The following ATG4C variants were observed in gnomAD, a reference collection of about 807,000 sequenced individuals.
ATG4C encodes autophagy related 4C cysteine peptidase, also known as cysteine protease ATG4C.
ATG4C carries 56 observed loss-of-function variants against 57.6 expected under a neutral mutation model. The observed-to-expected ratio is 0.97, with a 90% CI of 0.78 to 1.21. ATG4C has a LOEUF of 1.21. ATG4C is among the 50% of genes most tolerant of loss of function. The pLI is 0.00. For missense variants in ATG4C, 595 were observed against 529.8 expected (o/e 1.12, Z -1.21); for synonymous variants, 157 against 174.1 (o/e 0.90, Z 0.78).
At chr1:62,855,793 G>A (rs1031225562) in intron 10 of ATG4C, among the ~76,000 whole-genome samples, 2 of 152,130 alleles carry the variant, frequency 1.3e-5, no homozygotes, top group South Asian at 2.1e-4. Context: ...ACTAATAAAC[G>A]GTGGTACTGC....
At chr1:62,797,444 A>C (rs1664509029) in intron 1 of ATG4C, among the ~76,000 whole-genome samples, 2 of 152,140 alleles carry the variant, frequency 1.3e-5, no homozygotes, top group Non-Finnish European at 2.9e-5. Context: ...TAATTTGAGA[A>C]ATAGTTATGT....
At position 62,861,606 on chromosome 1, in the gene ATG4C, CACACACACACACACACACACAG is replaced by C. The variant is rs879790140; in HGVS notation, c.1210-2384_1210-2363del. Among the ~76,000 whole-genome samples, 275 of 120,902 alleles carry C rather than the reference CACACACACACACACACACACAG, an allele frequency of 2.3e-3. 1 individual carries two copies. The highest frequency in any genetic ancestry group is 5.2e-3 in the Admixed American group (54 of 10,462). The allele number at this position is 120,902 out of a possible 152,430, so 79.3% of individuals were successfully genotyped here. A position where few individuals can be genotyped will look rare whatever the true frequency, so the allele number is the denominator to read the frequency against. On this transcript the variant is annotated intron_variant, in intron 10 of 10. Transcript: ENST00000317868. ...ACACACACACACACACACACACACA[CACACACACACACACACACACAG>C]AGAGACACAAACACATGAGAAAAAT...
intron 10 of ATG4C, among the ~76,000 whole-genome samples, chr1:62,855,693 C>A (rs1024725171): frequency 2.6e-5 from 4 of 152,150 alleles, no homozygotes; most frequent in Admixed American, 6.5e-5. Flanking sequence ...TTTAACCAAC[C>A]AAACCTTCTG....
intron 4 of ATG4C, among the ~76,000 whole-genome samples, chr1:62,817,054 T>G (rs1017877707): frequency 6.6e-6 from 1 of 152,172 alleles, no homozygotes; most frequent in Non-Finnish European, 1.5e-5. Context: ...CCTGTTATTC[T>G]TGGTCACCAT....
At chr1:62,805,990 T>C (rs1042581657) in intron 3 of ATG4C, among the ~76,000 whole-genome samples, 7 of 152,196 alleles carry the variant, frequency 4.6e-5, no homozygotes, top group African/African-American at 1.7e-4. Context: ...TATGTTGTTA[T>C]CATGGCTTTT....
chr1:62,787,540 GAT>G (rs1664132977), intron 1 of ATG4C, among the ~76,000 whole-genome samples: 1 of 152,006 alleles, frequency 6.6e-6, no homozygotes, highest in Admixed American at 6.6e-5. Flanking sequence ...TGTAATTTTT[GAT>G]AGATATTGAA....
At chr1:62,791,970 C>G (rs1427812105) in intron 1 of ATG4C, among the ~76,000 whole-genome samples, 1 of 152,060 alleles carries the variant, frequency 6.6e-6, no homozygotes, top group Non-Finnish European at 1.5e-5. Context: ...GTTGCTCGGT[C>G]TACCATGTCA....
intron 3 of ATG4C, among the ~76,000 whole-genome samples, chr1:62,810,617 C>T (rs142845822): frequency 9.2e-5 from 14 of 152,090 alleles, no homozygotes; most frequent in South Asian, 2.1e-4. Context: ...ATAAATCTTA[C>T]GAAACATCTT....
At chr1:62,826,053 G>A (rs879806913) in intron 6 of ATG4C, among the ~76,000 whole-genome samples, 10 of 151,868 alleles carry the variant, frequency 6.6e-5, no homozygotes, top group African/African-American at 1.2e-4. Context: ...GATTACAGGT[G>A]CCTGCCACCA....
At position 62,819,352 on chromosome 1, in the gene ATG4C, ATCTT is replaced by A. The variant is rs769257399; in HGVS notation, c.725+22_725+25del. 20 of 1,553,936 alleles carry A rather than the reference ATCTT, an allele frequency of 1.3e-5. No homozygotes were observed. Among genetic ancestry groups the A allele is most frequent in the Middle Eastern group, 1.7e-4 (1 of 5,776 alleles). On this transcript the variant is annotated intron_variant, in intron 5 of 10. Coordinates refer to ENST00000317868, the MANE Select transcript of ATG4C (RefSeq NM_032852.4). ...CATTTTAAGGTAAAATTGTTTTAAA[ATCTT>A]TCTTCTTGTGACAGAGGTCCTCAGG...
intron 10 of ATG4C, among the ~76,000 whole-genome samples, chr1:62,863,106 TA>T (rs1666903644): frequency 6.6e-6 from 1 of 152,020 alleles, no homozygotes. Context: ...AGAACTTGTT[TA>T]ACAGAAATAT....
intron 10 of ATG4C, among the ~76,000 whole-genome samples, chr1:62,861,900 G>A (rs970327262): frequency 6.6e-6 from 1 of 151,920 alleles, no homozygotes; most frequent in African/African-American, 2.4e-5. Context: ...CATCCATTAT[G>A]GAAGGACTTT....
chr1:62,849,275 T>C (rs1018670714), intron 10 of ATG4C, among the ~76,000 whole-genome samples: 3 of 152,190 alleles, frequency 2.0e-5, no homozygotes, highest in Non-Finnish European at 1.5e-5. Context: ...AATGAATTGT[T>C]TGGGAGGGGA....
chr1:62,820,381 G>A (rs1280342871), intron 5 of ATG4C, among the ~76,000 whole-genome samples: 1 of 151,970 alleles, frequency 6.6e-6, no homozygotes, highest in African/African-American at 2.4e-5. Context: ...CTTGCAGATG[G>A]TACAAAAACA....
chr1:62,790,151 T>A (rs2100275623), intron 1 of ATG4C, among the ~76,000 whole-genome samples: 1 of 152,274 alleles, frequency 6.6e-6, no homozygotes, highest in East Asian at 1.9e-4. Flanking sequence ...GGACCTCCGG[T>A]AATCCACCCG....
intron 6 of ATG4C, among the ~76,000 whole-genome samples, chr1:62,822,120 A>G (rs1665501847): frequency 6.6e-6 from 1 of 152,160 alleles, no homozygotes; most frequent in African/African-American, 2.4e-5. Flanking sequence ...TTTTACAGGA[A>G]TACTGTTAAC....
At chr1:62,859,003 A>G (rs1405333371) in intron 10 of ATG4C, among the ~76,000 whole-genome samples, 1 of 152,178 alleles carries the variant, frequency 6.6e-6, no homozygotes, top group Non-Finnish European at 1.5e-5. Context: ...AGGTGATTTC[A>G]TTGTTGTGCG....
At chr1:62,786,549 G>T (rs1664091430) in intron 1 of ATG4C, among the ~76,000 whole-genome samples, 2 of 150,078 alleles carry the variant, frequency 1.3e-5, no homozygotes, top group Non-Finnish European at 3.0e-5. Context: ...AAAAACAAGT[G>T]AAAATCTGTG....
At chr1:62,858,155 C>A (rs780568624) in intron 10 of ATG4C, among the ~76,000 whole-genome samples, 2 of 152,204 alleles carry the variant, frequency 1.3e-5, no homozygotes, top group Non-Finnish European at 2.9e-5. Context: ...TATTATTTGA[C>A]ATTGTTGTTA....
Sources: gnomAD v4.1 joint callset for allele counts (sites outside exome capture counted in the v4.1 genomes callset) on GRCh38, gnomAD v4.1.1 for gene constraint, MANE v1.5 for transcripts, NCBI Gene and HGNC (gene_info 2026-07-23, HGNC 2026-07-21) for gene names.